CTNND2: variants seen among roughly 807,000 people sequenced by gnomAD.
The protein encoded by CTNND2 is catenin delta 2.
A neutral mutation model predicts 144.4 loss-of-function variants in CTNND2; 22 were observed. The ratio of observed to expected loss-of-function variants is 0.15; its 90% CI spans 0.11 to 0.22. CTNND2 has a LOEUF of 0.22. CTNND2 is among the 10% of genes least tolerant of loss of function. The pLI, the probability that CTNND2 is intolerant of heterozygous loss-of-function variation, is 1.00. For missense variants in CTNND2, 1,353 were observed against 1,618.8 expected, an observed-to-expected ratio of 0.84 and a Z score of 2.82; for synonymous variants, 751 against 695.6, an observed-to-expected ratio of 1.08 and a Z score of -1.25.
chr5:11,003,378 G>A (rs1706739605), intron 18 of CTNND2, among the ~76,000 whole-genome samples: 1 of 152,162 alleles, frequency 6.6e-6, no homozygotes, highest in Non-Finnish European at 1.5e-5. Flanking sequence ...TAGGTAACCA[G>A]CTAAGACATT....
At position 11,122,780 on chromosome 5, in the gene CTNND2, T is replaced by C. The variant is rs1754274710; in HGVS notation, c.2160-5213A>G. Among the ~76,000 whole-genome samples, 3 of 151,832 alleles carry C rather than the reference T, an allele frequency of 2.0e-5. No homozygotes were observed. The South Asian group carries it at 6.2e-4, about 32-fold the overall frequency. ...GTTAGAGAACAGAACTAGGTTTAAG[T>C]GATACAGAGAGTCCCAAGGCACCGT... On this transcript the variant is annotated intron_variant, in intron 12 of 21. Coordinates refer to ENST00000304623, the MANE Select transcript of CTNND2 (RefSeq NM_001332.4).
At chr5:11,890,807 C>T (rs905913703) in intron 1 of CTNND2, among the ~76,000 whole-genome samples, 1 of 152,154 alleles carries the variant, frequency 6.6e-6, no homozygotes, top group Non-Finnish European at 1.5e-5. Flanking sequence ...CACTTGCTTT[C>T]GCAGGATGAT....
intron 14 of CTNND2, among the ~76,000 whole-genome samples, chr5:11,107,339 C>T (rs1752524946): frequency 6.6e-6 from 1 of 152,158 alleles, no homozygotes; most frequent in Non-Finnish European, 1.5e-5. Context: ...CCATTGTGGT[C>T]ATTTTAACTA....
chr5:11,105,411 T>C (rs1419603717), intron 14 of CTNND2, among the ~76,000 whole-genome samples: 4 of 152,144 alleles, frequency 2.6e-5, no homozygotes, highest in African/African-American at 9.7e-5. Flanking sequence ...TGGCAGAAGG[T>C]GCTACTGGCA....
chr5:11,492,505 ATGTGTG>A (rs33995105), intron 3 of CTNND2, among the ~76,000 whole-genome samples: 1,990 of 140,410 alleles, frequency 0.014, 38 homozygotes, highest in African/African-American at 0.052. Context: ...ATATATATAT[ATGTGTG>A]TGTGTGTGTG....
intron 2 of CTNND2, among the ~76,000 whole-genome samples, chr5:11,682,847 A>T (rs1784479951): frequency 6.6e-6 from 1 of 152,204 alleles, no homozygotes; most frequent in Admixed American, 6.5e-5. Context: ...GAAAAACAGA[A>T]ACAATGAAAT....
At chr5:11,741,358 C>T (rs967628118) in intron 1 of CTNND2, among the ~76,000 whole-genome samples, 2 of 152,104 alleles carry the variant, frequency 1.3e-5, no homozygotes, top group African/African-American at 4.8e-5. Context: ...GAAAATGTGG[C>T]ACATATACAC....
At chr5:11,230,829 A>G (rs1253873427) in intron 10 of CTNND2, among the ~76,000 whole-genome samples, 2 of 152,178 alleles carry the variant, frequency 1.3e-5, no homozygotes, top group Non-Finnish European at 2.9e-5. Flanking sequence ...ATTTAAAGCT[A>G]ATGTCCTACC....
Position 11,082,703 on chromosome 5 carries a change from C to T in CTNND2, c.2781G>A (p.Glu927=), listed in dbSNP as rs1561275630. The T allele has an allele frequency of 6.2e-7, 1 of 1,613,938 alleles. No individual in the cohort carries two copies. Among genetic ancestry groups the T allele is most frequent in the Admixed American group, 1.7e-5 (1 of 59,954 alleles). The part of the protein sequence containing the change: ...RNMALDVRNK[E]LIGKYAMRDL... ...GAATCAGGGAGAACATACCGATGAG[C>T]TCCTTATTTCTGACGTCCAAGGCCA... Residue 927 remains glutamate (E), a synonymous_variant, in exon 16 of 22, where the codon GAG becomes GAA. Coordinates refer to ENST00000304623, the MANE Select transcript of CTNND2 (RefSeq NM_001332.4).
chr5:11,810,961 T>C (rs1325291654), intron 1 of CTNND2, among the ~76,000 whole-genome samples: 1 of 152,190 alleles, frequency 6.6e-6, no homozygotes, highest in Non-Finnish European at 1.5e-5. Flanking sequence ...ATCTGAATTT[T>C]ACTGTAGTTT....
chr5:11,015,887 T>C (rs1370417884), intron 18 of CTNND2, among the ~76,000 whole-genome samples: 1 of 152,182 alleles, frequency 6.6e-6, no homozygotes, highest in African/African-American at 2.4e-5. Context: ...CTGGAGGAAT[T>C]CAAGAAGGAA....
chr5:11,421,318 ATACCC>A (rs1242021913), intron 3 of CTNND2, among the ~76,000 whole-genome samples: 1 of 152,132 alleles, frequency 6.6e-6, no homozygotes, highest in Non-Finnish European at 1.5e-5. Flanking sequence ...TTCATTCAAG[ATACCC>A]TACATCTGTG....
At chr5:11,168,063 G>T (rs1400132680) in intron 11 of CTNND2, among the ~76,000 whole-genome samples, 1 of 151,918 alleles carries the variant, frequency 6.6e-6, no homozygotes, top group African/African-American at 2.4e-5. Flanking sequence ...TTCAGAGCCT[G>T]AATTAATTTT....
At chr5:11,668,957 G>C (rs1315893715) in intron 2 of CTNND2, among the ~76,000 whole-genome samples, 1 of 152,122 alleles carries the variant, frequency 6.6e-6, no homozygotes, top group African/African-American at 2.4e-5. Flanking sequence ...CTAGTTTATT[G>C]AGAGTTTTAG....
At chr5:11,353,283 C>T (rs185043747) in intron 8 of CTNND2, among the ~76,000 whole-genome samples, 10 of 152,182 alleles carry the variant, frequency 6.6e-5, no homozygotes, top group Admixed American at 3.9e-4. Flanking sequence ...AGTGACAGGA[C>T]GGTGGGCAGG....
At chr5:11,464,160 T>C (rs1201178118) in intron 3 of CTNND2, among the ~76,000 whole-genome samples, 4 of 152,208 alleles carry the variant, frequency 2.6e-5, no homozygotes, top group Non-Finnish European at 4.4e-5. Context: ...TCTTTAGGCA[T>C]TGAGGAATTC....
chr5:11,456,523 C>T (rs1765752326), intron 3 of CTNND2, among the ~76,000 whole-genome samples: 1 of 152,072 alleles, frequency 6.6e-6, no homozygotes, highest in African/African-American at 2.4e-5. Context: ...TTCCTGTGTC[C>T]TCAGTTGCAC....
chr5:11,480,705 G>C lies in CTNND2; in HGVS notation c.288-68636C>G, dbSNP rs756561705. Among the ~76,000 whole-genome samples the C allele has an allele frequency of 1.2e-3, 180 of 150,878 alleles. 2 individuals carry two copies. Among genetic ancestry groups the C allele is most frequent in the Non-Finnish European group, 3.5e-4 (24 of 67,930 alleles). The stretch of plus-strand genomic sequence containing the variant: ...GCATATAATTAGAGGTTATAATAGA[G>C]TTTTTCTTTCTGTAGAAAAAGAGTT... On this transcript the variant is annotated intron_variant, in intron 3 of 21. Coordinates refer to ENST00000304623, the MANE Select transcript of CTNND2 (RefSeq NM_001332.4).
chr5:11,240,129 A>ACC, intron 9 of CTNND2, among the ~76,000 whole-genome samples: 1 of 147,274 alleles, frequency 6.8e-6, no homozygotes, highest in East Asian at 2.0e-4. Context: ...CACACCCCCA[A>ACC]CACACACACC....
Sources: allele counts gnomAD v4.1 joint callset (sites outside exome capture counted in the v4.1 genomes callset), GRCh38; gene constraint gnomAD v4.1.1; transcripts MANE v1.5; gene names NCBI Gene and HGNC (gene_info 2026-07-23, HGNC 2026-07-21).